Variants in RARB observed in about 807,000 individuals in gnomAD.
The protein encoded by RARB is HBV-activated protein.
Under a neutral mutation model 51.9 loss-of-function variants are expected in RARB, and 17 were observed. The observed-to-expected ratio is 0.33, with a 90% CI of 0.22 to 0.49. RARB has a LOEUF of 0.49. RARB is among the 20% of genes least tolerant of loss of function. The pLI is 0.99. For missense variants in RARB, 369 were observed against 550.8 expected (o/e 0.67, Z 3.30); for synonymous variants, 215 against 195.4 (o/e 1.10, Z -0.84).
chr3:25,455,433 T>A (rs1022651896), intron 1 of RARB, among the ~76,000 whole-genome samples: 1 of 152,350 alleles, frequency 6.6e-6, no homozygotes, highest in African/African-American at 2.4e-5. Context: ...CAGGCCACAC[T>A]TTGAGGAACA....
chr3:24,844,424 G>A (rs76706747), intron 1 of RARB, among the ~76,000 whole-genome samples: 1,953 of 152,236 alleles, frequency 0.013, 47 homozygotes, highest in African/African-American at 0.045. Context: ...ATTTTCCCAC[G>A]TCTGCAACTA....
At chr3:25,473,403 A>G (rs1252680260) in intron 2 of RARB, among the ~76,000 whole-genome samples, 1 of 152,036 alleles carries the variant, frequency 6.6e-6, no homozygotes, top group Non-Finnish European at 1.5e-5. Context: ...GGGTTCTGGC[A>G]GGCCGGCCCC....
At chr3:24,875,392 T>C (rs892951179) in intron 2 of RARB, among the ~76,000 whole-genome samples, 2 of 152,144 alleles carry the variant, frequency 1.3e-5, no homozygotes, top group African/African-American at 4.8e-5. Flanking sequence ...TTTTTAGGAT[T>C]GCCTGGCAAC....
chr3:25,547,345 A>G (rs1000649386), intron 3 of RARB, among the ~76,000 whole-genome samples: 1 of 152,166 alleles, frequency 6.6e-6, no homozygotes, highest in Middle Eastern at 3.2e-3. Context: ...GGCCAGAAAA[A>G]CAGAGGTCTC....
intron 3 of RARB, among the ~76,000 whole-genome samples, chr3:25,063,466 T>C (rs957384511): frequency 6.6e-6 from 1 of 152,062 alleles, no homozygotes; most frequent in Non-Finnish European, 1.5e-5. Context: ...TTGAAGTAAG[T>C]GAAGCCAATT....
intron 5 of RARB, among the ~76,000 whole-genome samples, chr3:25,224,721 C>T (rs960713244): frequency 6.6e-6 from 1 of 152,060 alleles, no homozygotes; most frequent in African/African-American, 2.4e-5. Context: ...AATCTTCTCA[C>T]CTCAGCCTCC....
intron 2 of RARB, among the ~76,000 whole-genome samples, chr3:25,035,998 G>C (rs1244216997): frequency 6.6e-6 from 1 of 152,196 alleles, no homozygotes; most frequent in Non-Finnish European, 1.5e-5. Context: ...AGGCAGAACT[G>C]TAGGAAATTG....
At chr3:25,543,611 T>C (rs529275738) in intron 3 of RARB, among the ~76,000 whole-genome samples, 1 of 149,550 alleles carries the variant, frequency 6.7e-6, no homozygotes, top group South Asian at 2.1e-4. Context: ...CTGTGGCCAT[T>C]TGGGGAACTA....
intron 3 of RARB, among the ~76,000 whole-genome samples, chr3:25,069,440 T>C (rs938691251): frequency 1.3e-5 from 2 of 152,194 alleles, no homozygotes; most frequent in Non-Finnish European, 2.9e-5. Context: ...TGGCATATAT[T>C]GTACCAAATT....
intron 5 of RARB, among the ~76,000 whole-genome samples, chr3:25,247,210 G>T (rs1186223984): frequency 6.6e-6 from 1 of 152,224 alleles, no homozygotes; most frequent in Non-Finnish European, 1.5e-5. Context: ...TTAGAGTTCT[G>T]TGCTAGCAGC....
At chr3:25,281,384 G>A (rs1703518105) in intron 5 of RARB, among the ~76,000 whole-genome samples, 3 of 152,184 alleles carry the variant, frequency 2.0e-5, no homozygotes, top group Admixed American at 2.0e-4. Flanking sequence ...TTCAAGTGAA[G>A]GCCACTAGCT....
At chr3:25,490,178 G>C (rs1309323210) in intron 2 of RARB, among the ~76,000 whole-genome samples, 4 of 152,056 alleles carry the variant, frequency 2.6e-5, no homozygotes, top group African/African-American at 9.7e-5. Context: ...TTTACTCCAG[G>C]TTCGGGATGG....
At chr3:25,340,601 C>G (rs1281629577) in intron 5 of RARB, among the ~76,000 whole-genome samples, 1 of 152,100 alleles carries the variant, frequency 6.6e-6, no homozygotes, top group African/African-American at 2.4e-5. Flanking sequence ...GACTTTTTTT[C>G]TCCATTTAAA....
chr3:25,540,933 G>A (rs963596275), intron 3 of RARB, among the ~76,000 whole-genome samples: 1 of 150,516 alleles, frequency 6.6e-6, no homozygotes, highest in East Asian at 2.0e-4. Flanking sequence ...TTGCATTCTG[G>A]CTTCTACCCC....
chr3:25,428,330 C>G lies in RARB; in HGVS notation c.-402C>G, dbSNP rs1383791072. On this transcript the variant is annotated 5_prime_UTR_variant, in exon 1 of 8. Coordinates refer to ENST00000330688, the MANE Select transcript of RARB (RefSeq NM_000965.5). ...GTCTATTCTTTGCCAAAGGGGGGAC[C>G]AGAATTCCCCCATGCGAGCTGTTTG... 8.0e-7 allele frequency: 1 copy of G among 1,244,750 alleles called. No individual in the cohort carries two copies. Among genetic ancestry groups the G allele is most frequent in the African/African-American group, 1.5e-5 (1 of 64,720 alleles). 77.1% of individuals were successfully genotyped at this position (1,244,750 alleles called of 1,614,324 possible).
At chr3:25,165,860 T>C (rs1029884342) in intron 4 of RARB, among the ~76,000 whole-genome samples, 1 of 152,200 alleles carries the variant, frequency 6.6e-6, no homozygotes, top group Non-Finnish European at 1.5e-5. Flanking sequence ...CATTGTAATA[T>C]ATGTGCATTT....
intron 5 of RARB, among the ~76,000 whole-genome samples, chr3:25,290,644 A>C (rs1703764326): frequency 6.6e-6 from 1 of 152,196 alleles, no homozygotes; most frequent in African/African-American, 2.4e-5. Flanking sequence ...GTACATGGTA[A>C]AAAAGGTTCA....
intron 5 of RARB, among the ~76,000 whole-genome samples, chr3:25,360,048 T>C (rs530283395): frequency 1.1e-3 from 173 of 152,312 alleles, no homozygotes; most frequent in Middle Eastern, 3.4e-3. Flanking sequence ...TTCTGTGTCA[T>C]TGATCTGTCT....
At chr3:24,883,580 G>A (rs1012411002) in intron 2 of RARB, among the ~76,000 whole-genome samples, 4 of 152,098 alleles carry the variant, frequency 2.6e-5, no homozygotes, top group African/African-American at 4.8e-5. Context: ...CAGTCTTGGC[G>A]ATGGTTAAGT....
Sources: allele counts gnomAD v4.1 joint callset (sites outside exome capture counted in the v4.1 genomes callset), GRCh38; gene constraint gnomAD v4.1.1; transcripts MANE v1.5; gene names NCBI Gene and HGNC (gene_info 2026-07-23, HGNC 2026-07-21).